KCNH7: variants seen among roughly 807,000 people sequenced by gnomAD.
The protein encoded by KCNH7 is potassium voltage-gated channel subfamily H member 7, also known as voltage-gated inwardly rectifying potassium channel KCNH7.
In KCNH7, 49 loss-of-function variants were observed where a neutral mutation model predicts 120.8. The ratio of observed to expected loss-of-function variants is 0.41; its 90% CI spans 0.32 to 0.51. The LOEUF (loss-of-function observed/expected upper bound fraction) is 0.51, where lower values mean the gene tolerates loss of function less well. Ranked by LOEUF, KCNH7 falls within the 20% of genes least tolerant of loss-of-function variation. KCNH7 has a pLI of 0.38. For missense variants in KCNH7, 1,097 were observed against 1,446.6 expected (o/e 0.76, Z 3.92); for synonymous variants, 547 against 516.1 (o/e 1.06, Z -0.81).
At chr2:162,759,171 C>T (rs1411016301) in intron 2 of KCNH7, among the ~76,000 whole-genome samples, 1 of 151,686 alleles carries the variant, frequency 6.6e-6, no homozygotes, top group Non-Finnish European at 1.5e-5. Context: ...GAATATTTAA[C>T]TGTACTCTAC....
At chr2:162,762,757 G>A (rs898042476) in intron 2 of KCNH7, among the ~76,000 whole-genome samples, 10 of 151,980 alleles carry the variant, frequency 6.6e-5, no homozygotes, top group African/African-American at 2.4e-4. Context: ...AATAACTCCT[G>A]TCTGCCCACC....
intron 2 of KCNH7, among the ~76,000 whole-genome samples, chr2:162,765,930 A>T (rs1443294897): frequency 1.3e-5 from 2 of 151,820 alleles, no homozygotes; most frequent in Non-Finnish European, 2.9e-5. Context: ...TTTTTACATA[A>T]TTTATTTTTA....
At chr2:162,478,620 T>G (rs991668290) in intron 6 of KCNH7, among the ~76,000 whole-genome samples, 6 of 152,104 alleles carry the variant, frequency 3.9e-5, no homozygotes, top group Non-Finnish European at 8.8e-5. Flanking sequence ...CCGCACAAAA[T>G]GATTTCAAAC....
intron 2 of KCNH7, among the ~76,000 whole-genome samples, chr2:162,827,576 A>G (rs1209786682): frequency 2.0e-5 from 3 of 152,166 alleles, no homozygotes; most frequent in African/African-American, 7.2e-5. Flanking sequence ...GCAAAATGCC[A>G]TGCTTTATTC....
At chr2:162,453,152 C>G (rs1013930273) in intron 6 of KCNH7, among the ~76,000 whole-genome samples, 2 of 152,060 alleles carry the variant, frequency 1.3e-5, no homozygotes, top group African/African-American at 4.8e-5. Context: ...TGTGTTGTTC[C>G]CCTCCCTGTG....
intron 1 of KCNH7, among the ~76,000 whole-genome samples, chr2:162,837,883 G>A (rs1685716748): frequency 6.6e-6 from 1 of 152,150 alleles, no homozygotes; most frequent in Non-Finnish European, 1.5e-5. Flanking sequence ...GCACAGATGA[G>A]ATACTGCTTT....
At chr2:162,419,200 A>T (rs1331841113) in intron 9 of KCNH7, among the ~76,000 whole-genome samples, 2 of 144,914 alleles carry the variant, frequency 1.4e-5, no homozygotes, top group African/African-American at 5.2e-5. Context: ...GAGAGTTTAT[A>T]CCTCTTCCTA....
chr2:162,837,037 G>A (rs1238384294), intron 1 of KCNH7, among the ~76,000 whole-genome samples: 5 of 152,158 alleles, frequency 3.3e-5, no homozygotes, highest in Non-Finnish European at 5.9e-5. Context: ...TAGTTCTCAA[G>A]CCCTGCAACT....
At chr2:162,523,510 TCATC>T (rs1167343824) in intron 3 of KCNH7, among the ~76,000 whole-genome samples, 1 of 151,836 alleles carries the variant, frequency 6.6e-6, no homozygotes, top group African/African-American at 2.4e-5. Context: ...TGAGAAGACC[TCATC>T]CATCTGCTGC....
chr2:162,751,026 C>A (rs902769222), intron 2 of KCNH7, among the ~76,000 whole-genome samples: 2 of 132,808 alleles, frequency 1.5e-5, no homozygotes, highest in African/African-American at 7.0e-5. Flanking sequence ...GTTAAAAAAA[C>A]CAAGACAACA....
chr2:162,587,877 CATA>C (rs1471719530), intron 2 of KCNH7, among the ~76,000 whole-genome samples: 1 of 152,096 alleles, frequency 6.6e-6, no homozygotes, highest in Non-Finnish European at 1.5e-5. Flanking sequence ...CCTAAGAACA[CATA>C]ATGAGTCAGT....
chr2:162,533,594 C>T (rs1394827484), intron 3 of KCNH7, among the ~76,000 whole-genome samples: 3 of 151,386 alleles, frequency 2.0e-5, no homozygotes, highest in South Asian at 4.2e-4. Context: ...ATGCTAAATG[C>T]TAATTTATAC....
chr2:162,671,241 A>C (rs952348905), intron 2 of KCNH7, among the ~76,000 whole-genome samples: 4 of 152,184 alleles, frequency 2.6e-5, no homozygotes, highest in African/African-American at 9.6e-5. Flanking sequence ...TTTTATCAAA[A>C]AGACACCTAG....
chr2:162,557,937 C>A (rs1351312675), intron 2 of KCNH7, among the ~76,000 whole-genome samples: 1 of 152,080 alleles, frequency 6.6e-6, no homozygotes, highest in Non-Finnish European at 1.5e-5. Context: ...CTGATAATTT[C>A]TGTTAATCTT....
At chr2:162,409,943 A>G (rs1687334939) in intron 9 of KCNH7, among the ~76,000 whole-genome samples, 1 of 152,054 alleles carries the variant, frequency 6.6e-6, no homozygotes, top group Non-Finnish European at 1.5e-5. Flanking sequence ...ACACAGAAAA[A>G]TTGAAAAACA....
At chr2:162,691,252 A>G (rs548871781) in intron 2 of KCNH7, among the ~76,000 whole-genome samples, 1 of 152,306 alleles carries the variant, frequency 6.6e-6, no homozygotes, top group South Asian at 2.1e-4. Context: ...TGTTCTGAAT[A>G]TATTTTTCTA....
chr2:162,809,010 A>G (rs1159404527), intron 2 of KCNH7, among the ~76,000 whole-genome samples: 3 of 152,270 alleles, frequency 2.0e-5, no homozygotes, highest in African/African-American at 4.8e-5. Flanking sequence ...GTATCCACTG[A>G]TAGACTTTTC....
At chr2:162,699,333 T>C (rs907275765) in intron 2 of KCNH7, among the ~76,000 whole-genome samples, 3 of 152,190 alleles carry the variant, frequency 2.0e-5, no homozygotes, top group African/African-American at 4.8e-5. Flanking sequence ...GGTTCATCTA[T>C]GTTAGCACAG....
chr2:162,431,131 C>T (rs1462216455), intron 8 of KCNH7, among the ~76,000 whole-genome samples: 1 of 151,898 alleles, frequency 6.6e-6, no homozygotes, highest in Non-Finnish European at 1.5e-5. Context: ...TTACTATTTG[C>T]ATTTAATGTT....
Sources: gnomAD v4.1 joint callset for allele counts (sites outside exome capture counted in the v4.1 genomes callset) on GRCh38, gnomAD v4.1.1 for gene constraint, MANE v1.5 for transcripts, NCBI Gene and HGNC (gene_info 2026-07-23, HGNC 2026-07-21) for gene names.